Variants in RETREG1 observed in about 807,000 individuals in gnomAD.
RETREG1 encodes reticulophagy regulator 1.
Under a neutral mutation model 54.8 loss-of-function variants are expected in RETREG1, and 44 were observed. The ratio of observed to expected loss-of-function variants is 0.80; its 90% CI spans 0.63 to 1.03. The LOEUF is 1.03. Ranked by LOEUF, RETREG1 falls within the 50% of genes least tolerant of loss-of-function variation. The pLI is 0.00. For synonymous variants in RETREG1, 217 were observed against 238.5 expected, an observed-to-expected ratio of 0.91 and a Z score of 0.83; for missense variants, 554 against 605.1, an observed-to-expected ratio of 0.92 and a Z score of 0.89.
intron 3 of RETREG1, among the ~76,000 whole-genome samples, chr5:16,558,154 G>A (rs1741762788): frequency 6.6e-6 from 1 of 152,172 alleles, no homozygotes; most frequent in Non-Finnish European, 1.5e-5. Context: ...CATCTTCTCA[G>A]GGAACTGAGG....
At chr5:16,614,987 C>T (rs1008700674) in intron 1 of RETREG1, among the ~76,000 whole-genome samples, 2 of 152,150 alleles carry the variant, frequency 1.3e-5, no homozygotes, top group African/African-American at 2.4e-5. Context: ...GGAAACTGGG[C>T]GGCCAGGGAC....
chr5:16,505,783 C>T (rs916080036), intron 3 of RETREG1, among the ~76,000 whole-genome samples: 5 of 152,194 alleles, frequency 3.3e-5, no homozygotes, highest in Non-Finnish European at 5.9e-5. Flanking sequence ...CCAGGGTACA[C>T]GTTTCCTCCT....
chr5:16,536,098 T>A (rs1374355348), intron 3 of RETREG1, among the ~76,000 whole-genome samples: 1 of 152,206 alleles, frequency 6.6e-6, no homozygotes, highest in East Asian at 1.9e-4. Context: ...TCTCACACAG[T>A]AACAGAGAAA....
intron 1 of RETREG1, among the ~76,000 whole-genome samples, chr5:16,583,799 A>T (rs1041201311): frequency 6.6e-6 from 1 of 151,850 alleles, no homozygotes; most frequent in Non-Finnish European, 1.5e-5. Context: ...GCTAAAACAT[A>T]TTTTTTTTGT....
intron 3 of RETREG1, among the ~76,000 whole-genome samples, chr5:16,528,061 G>T (rs552758978): frequency 3.9e-5 from 6 of 151,902 alleles, no homozygotes; most frequent in African/African-American, 1.2e-4. Context: ...CGCCTGCCTC[G>T]GCCTCCCAAA....
chr5:16,543,668 A>G (rs1741309699), intron 3 of RETREG1, among the ~76,000 whole-genome samples: 1 of 150,908 alleles, frequency 6.6e-6, no homozygotes, highest in Admixed American at 6.6e-5. Flanking sequence ...AGGGAGAGAC[A>G]ACATCTCAAA....
In RETREG1 at chr5:16,508,561, G is replaced by A. The variant is rs750524202; in HGVS notation, c.459-25089C>T. 3.2e-5 allele frequency: 51 copies of A among 1,608,468 alleles called. 1 individual carries two copies. Among genetic ancestry groups the A allele is most frequent in the South Asian group, 2.6e-4 (24 of 90,966 alleles). ...AACAGACTGAAGAATAAGTACGTAC[G>A]TATATATCACAATTACCTTTTGCCT... On this transcript the variant is annotated intron_variant, in intron 3 of 8. Transcript: ENST00000306320.
At chr5:16,596,140 C>T (rs1742890089) in intron 1 of RETREG1, among the ~76,000 whole-genome samples, 1 of 152,192 alleles carries the variant, frequency 6.6e-6, no homozygotes, top group African/African-American at 2.4e-5. Context: ...GATTTCCTCT[C>T]CTTTCATTTC....
intron 1 of RETREG1, among the ~76,000 whole-genome samples, chr5:16,573,180 C>CAAAAAAAAAAA (rs11303408): frequency 2.2e-5 from 1 of 45,144 alleles, no homozygotes; most frequent in African/African-American, 7.4e-5. Context: ...GATTCTGTCT[C>CAAAAAAAAAAA]AAAAAAAAAA....
intron 1 of RETREG1, among the ~76,000 whole-genome samples, chr5:16,611,087 T>C (rs1743329077): frequency 1.3e-5 from 2 of 152,144 alleles, no homozygotes; most frequent in Admixed American, 6.5e-5. Context: ...TAAAAAAGGA[T>C]GAGTTCATGT....
chr5:16,560,555 T>A (rs1741827460), intron 3 of RETREG1, among the ~76,000 whole-genome samples: 1 of 152,234 alleles, frequency 6.6e-6, no homozygotes, highest in Non-Finnish European at 1.5e-5. Flanking sequence ...TAAGCCTTTC[T>A]GACTAACCTG....
intron 3 of RETREG1, 96 bp downstream of exon 3, chr5:16,565,667 G>T: frequency 1.5e-6 from 2 of 1,298,848 alleles, no homozygotes; most frequent in Non-Finnish European, 2.2e-6. Context: ...TTAGATTCCT[G>T]TCACTAAAAT....
rs527663158 is a variant in RETREG1 at position 16,567,985 on chromosome 5, AAAAG to A, written c.428-2196_428-2193del. On this transcript the variant is annotated intron_variant, in intron 2 of 8. Transcript: ENST00000306320. ...TAAAAATAAACAAACAAACAAACAGAAAAGAAAGCGGGGGGCAGATATGACTGGT... is the reference window on the plus strand; with the variant it reads ...TAAAAATAAACAAACAAACAAACAGAAAAGCGGGGGGCAGATATGACTGGT... Among the ~76,000 whole-genome samples, 390 of 152,028 alleles carry A rather than the reference AAAAG, an allele frequency of 2.6e-3. 1 individual carries two copies. Among genetic ancestry groups the A allele is most frequent in the African/African-American group, 9.1e-3 (379 of 41,450 alleles).
chr5:16,498,860 A>G (rs968210049), intron 3 of RETREG1, among the ~76,000 whole-genome samples: 1 of 152,022 alleles, frequency 6.6e-6, no homozygotes, highest in African/African-American at 2.4e-5. Context: ...GACTTTACAA[A>G]CCCTGTACAC....
rs775836473 is a variant in RETREG1, at chr5:16,561,042, C to T, written c.458+4721G>A. On this transcript the variant is annotated intron_variant, in intron 3 of 8. Transcript: ENST00000306320. This position sits in a 1 kb window ranked among gnomAD's most constrained non-coding sequence, Gnocchi z 4.2. ...CTTCTCAGGCTGTATGGGGTACTTG[C>T]AACAGTTCACTTGTACCTCCCATTA... Among the ~76,000 whole-genome samples, 1 of 152,116 alleles carries T rather than the reference C, an allele frequency of 6.6e-6. No homozygotes were observed. Among genetic ancestry groups the T allele is most frequent in the Non-Finnish European group, 1.5e-5 (1 of 68,034 alleles).
chr5:16,566,000 A>G (rs975532414), intron 2 of RETREG1, among the ~76,000 whole-genome samples: 1 of 152,202 alleles, frequency 6.6e-6, no homozygotes, highest in African/African-American at 2.4e-5. Flanking sequence ...ATCCTACTAC[A>G]TGTAAAACAC....
intron 3 of RETREG1, among the ~76,000 whole-genome samples, chr5:16,541,485 G>A (rs749502471): frequency 6.6e-6 from 1 of 152,100 alleles, no homozygotes. Flanking sequence ...TCAGGAGTTC[G>A]AGACCAGCCT....
chr5:16,605,260 A>C (rs754872074), intron 1 of RETREG1, among the ~76,000 whole-genome samples: 5 of 152,214 alleles, frequency 3.3e-5, no homozygotes, highest in South Asian at 2.1e-4. Flanking sequence ...CAGACAACAC[A>C]TGTGACTCCT....
intron 2 of RETREG1, among the ~76,000 whole-genome samples, chr5:16,569,937 C>T (rs753964634): frequency 1.2e-4 from 18 of 152,198 alleles, no homozygotes; most frequent in Admixed American, 8.5e-4. Context: ...ATGGAATGCC[C>T]GCAACTCCCA....
Sources: allele counts gnomAD v4.1 joint callset (sites outside exome capture counted in the v4.1 genomes callset), GRCh38; gene constraint gnomAD v4.1.1; non-coding constraint Gnocchi (gnomAD v3.1); transcripts MANE v1.5; gene names NCBI Gene and HGNC (gene_info 2026-07-23, HGNC 2026-07-21).